SLC2A13: variants seen among roughly 807,000 people sequenced by gnomAD.
The protein encoded by SLC2A13 is proton myo-inositol cotransporter.
In SLC2A13, 32 loss-of-function variants were observed where a neutral mutation model predicts 64.4. The ratio of observed to expected loss-of-function variants is 0.50; its 90% CI spans 0.37 to 0.67. The LOEUF is 0.67. Ranked by LOEUF, SLC2A13 falls within the 30% of genes least tolerant of loss-of-function variation. The pLI is 0.00. For synonymous variants in SLC2A13, 338 were observed against 327.1 expected (o/e 1.03, Z -0.36); for missense variants, 743 against 829.2 (o/e 0.90, Z 1.28).
At chr12:40,089,930 C>A (rs923820451) in intron 1 of SLC2A13, among the ~76,000 whole-genome samples, 3 of 152,000 alleles carry the variant, frequency 2.0e-5, no homozygotes, top group Non-Finnish European at 2.9e-5. Flanking sequence ...TTGATTGCAC[C>A]CCAGTAGAGA....
In SLC2A13 at chr12:39,807,916, G is replaced by GATATAGCTATATATA. The variant is rs139206775; in HGVS notation, c.1445+22186_1445+22187insTATATATAGCTATAT. Among the ~76,000 whole-genome samples, 1,377 of 152,138 alleles carry GATATAGCTATATATA rather than the reference G, an allele frequency of 9.1e-3. 23 individuals are homozygous for GATATAGCTATATATA. Among genetic ancestry groups the GATATAGCTATATATA allele is most frequent in the African/African-American group, 0.031 (1,301 of 41,496 alleles). ...TTAGTCTGCCCTTTGAAAATAGCTAGGAAGATATAATTTTGTATGCTATAA... is the reference window on the plus strand; with the variant it reads ...TTAGTCTGCCCTTTGAAAATAGCTAGATATAGCTATATATAGAAGATATAATTTTGTATGCTATAA... On this transcript the variant is annotated intron_variant, in intron 7 of 9. Coordinates refer to ENST00000280871, the MANE Select transcript of SLC2A13 (RefSeq NM_052885.4).
intron 4 of SLC2A13, among the ~76,000 whole-genome samples, chr12:39,881,770 G>A (rs997543558): frequency 6.6e-6 from 1 of 152,158 alleles, no homozygotes; most frequent in Non-Finnish European, 1.5e-5. Flanking sequence ...AGTGGGAGAG[G>A]ATGAAAAGAG....
chr12:39,841,413 A>C (rs957360329), intron 6 of SLC2A13, among the ~76,000 whole-genome samples: 7 of 152,116 alleles, frequency 4.6e-5, no homozygotes, highest in African/African-American at 1.7e-4. Flanking sequence ...AAGGAAGAAA[A>C]AGAGAGCTGT....
chr12:39,891,910 T>TA (rs756501148), intron 4 of SLC2A13, among the ~76,000 whole-genome samples: 4 of 152,172 alleles, frequency 2.6e-5, no homozygotes, highest in African/African-American at 7.2e-5. Flanking sequence ...ATGGTTTTTC[T>TA]AAAAAAATTA....
rs1566748010 is a variant in SLC2A13 at position 39,755,850 on chromosome 12, T to C, written c.*4176A>G. On this transcript the variant is annotated 3_prime_UTR_variant, in exon 10 of 10. Coordinates refer to ENST00000280871, the MANE Select transcript of SLC2A13 (RefSeq NM_052885.4). The stretch of plus-strand genomic sequence containing the variant: ...ATTGTTTTAGCTCACTAGCAAATTA[T>C]ACGGATAAAATACTTTCATGAACTT... 1 of 152,086 alleles carries C rather than the reference T, an allele frequency of 6.6e-6. No individual in the cohort carries two copies. The highest frequency in any genetic ancestry group is 1.5e-5 in the Non-Finnish European group (1 of 67,862). 9.4% of individuals were successfully genotyped at this position (152,086 alleles called of 1,614,324 possible). A position where few individuals can be genotyped will look rare whatever the true frequency, so the allele number is the denominator to read the frequency against.
At chr12:39,820,973 C>T (rs1395662585) in intron 7 of SLC2A13, among the ~76,000 whole-genome samples, 3 of 151,954 alleles carry the variant, frequency 2.0e-5, no homozygotes, top group African/African-American at 7.3e-5. Context: ...TCTCTACTTC[C>T]TACTGCAGTG....
Position 39,755,996 on chromosome 12 carries a change from A to C in SLC2A13, c.*4030T>G, listed in dbSNP as rs1939960934. ...AGCAGTTAGCTATTTGGCATTTTTAAATGATTGCTATTTCTAGAAAAATAG... is the reference window on the plus strand; with the variant it reads ...AGCAGTTAGCTATTTGGCATTTTTACATGATTGCTATTTCTAGAAAAATAG... On this transcript the variant is annotated 3_prime_UTR_variant, in exon 10 of 10. Transcript: ENST00000280871. 6.6e-6 allele frequency: 1 copy of C among 151,976 alleles called. No individual in the cohort carries two copies. Among genetic ancestry groups the C allele is most frequent in the Admixed American group, 6.6e-5 (1 of 15,232 alleles). The allele number at this position is 151,976 out of a possible 1,614,324, so 9.4% of individuals were successfully genotyped here. A position where few individuals can be genotyped will look rare whatever the true frequency, so the allele number is the denominator to read the frequency against.
At chr12:39,918,469 T>C (rs900578097) in intron 4 of SLC2A13, among the ~76,000 whole-genome samples, 2 of 151,698 alleles carry the variant, frequency 1.3e-5, no homozygotes, top group East Asian at 1.9e-4. Flanking sequence ...GGCTCTTCCA[T>C]GGAAAAGCAT....
intron 1 of SLC2A13, among the ~76,000 whole-genome samples, chr12:40,069,848 T>G (rs116920735): frequency 6.6e-6 from 1 of 152,256 alleles, no homozygotes; most frequent in East Asian, 1.9e-4. Flanking sequence ...ACAGTTTTCA[T>G]GTCAATACTG....
chr12:40,034,526 GA>G (rs1947949055), intron 2 of SLC2A13, among the ~76,000 whole-genome samples: 2 of 152,086 alleles, frequency 1.3e-5, no homozygotes, highest in Admixed American at 6.5e-5. Context: ...AAAAGGAAAT[GA>G]AAAAACTGTA....
chr12:40,030,274 C>A (rs1947884367), intron 2 of SLC2A13, among the ~76,000 whole-genome samples: 1 of 152,148 alleles, frequency 6.6e-6, no homozygotes, highest in Non-Finnish European at 1.5e-5. Context: ...ATGAGAGCTA[C>A]AGAGATCAGC....
intron 4 of SLC2A13, among the ~76,000 whole-genome samples, chr12:39,894,060 G>A (rs1270512560): frequency 1.3e-5 from 2 of 152,186 alleles, no homozygotes; most frequent in Non-Finnish European, 2.9e-5. Context: ...GTACATTAAT[G>A]TTCAATACAT....
chr12:39,777,246 T>C (rs1407959676), intron 7 of SLC2A13, among the ~76,000 whole-genome samples: 1 of 152,120 alleles, frequency 6.6e-6, no homozygotes, highest in Non-Finnish European at 1.5e-5. Flanking sequence ...CGGACTAAAC[T>C]GAGTAAAGGC....
chr12:40,041,766 A>G (rs953432509), intron 2 of SLC2A13, among the ~76,000 whole-genome samples: 3 of 152,222 alleles, frequency 2.0e-5, no homozygotes, highest in Non-Finnish European at 2.9e-5. Context: ...TCTACCCAAG[A>G]GGCGAGAGCC....
At chr12:40,036,676 C>T (rs1427651993) in intron 2 of SLC2A13, among the ~76,000 whole-genome samples, 1 of 152,172 alleles carries the variant, frequency 6.6e-6, no homozygotes, top group Non-Finnish European at 1.5e-5. Context: ...GTCCTGATTA[C>T]TTTAGTGTTA....
intron 6 of SLC2A13, chr12:39,835,657 C>T (rs1942984835): frequency 6.6e-6 from 1 of 152,046 alleles, no homozygotes; most frequent in South Asian, 2.1e-4. Context: ...ATTCTGAGCA[C>T]CCAAGGGATA....
chr12:39,763,433 T>C (rs1940236753), intron 9 of SLC2A13, among the ~76,000 whole-genome samples: 1 of 152,232 alleles, frequency 6.6e-6, no homozygotes, highest in East Asian at 1.9e-4. Flanking sequence ...TCCATGTATT[T>C]ATTCATTTGA....
intron 3 of SLC2A13, among the ~76,000 whole-genome samples, chr12:39,971,911 G>A (rs1946651717): frequency 6.7e-6 from 1 of 148,348 alleles, no homozygotes; most frequent in Non-Finnish European, 1.5e-5. Context: ...GGAGGCGGAG[G>A]TTGCAGTGAG....
At chr12:39,870,664 T>A (rs779952943) in intron 5 of SLC2A13, among the ~76,000 whole-genome samples, 2 of 152,208 alleles carry the variant, frequency 1.3e-5, no homozygotes, top group Non-Finnish European at 2.9e-5. Flanking sequence ...TCAGTATATA[T>A]CCTGGCTGTT....
Sources: gnomAD v4.1 joint callset for allele counts (sites outside exome capture counted in the v4.1 genomes callset) on GRCh38, gnomAD v4.1.1 for gene constraint, MANE v1.5 for transcripts, NCBI Gene and HGNC (gene_info 2026-07-23, HGNC 2026-07-21) for gene names.